The following STXBP5L variants were observed in gnomAD, a reference collection of about 807,000 sequenced individuals.
STXBP5L encodes the protein syntaxin-binding protein 5-like.
In STXBP5L, 65 loss-of-function variants were observed where a neutral mutation model predicts 144.5. The ratio of observed to expected loss-of-function variants is 0.45; its 90% CI spans 0.37 to 0.55. STXBP5L has a LOEUF of 0.55. Ranked by LOEUF, STXBP5L falls within the 20% of genes least tolerant of loss-of-function variation. The pLI, the probability that STXBP5L is intolerant of heterozygous loss-of-function variation, is 0.00. For synonymous variants in STXBP5L, 505 were observed against 469.6 expected, an observed-to-expected ratio of 1.08 and a Z score of -0.97; for missense variants, 1,298 against 1,405.5, an observed-to-expected ratio of 0.92 and a Z score of 1.22.
At chr3:121,164,959 T>A (rs1172328715) in intron 9 of STXBP5L, among the ~76,000 whole-genome samples, 2 of 152,166 alleles carry the variant, frequency 1.3e-5, no homozygotes, top group Non-Finnish European at 2.9e-5. Flanking sequence ...AGTTGAAATC[T>A]AATCCACAGC....
At chr3:121,089,993 G>T (rs1271096348) in intron 5 of STXBP5L, among the ~76,000 whole-genome samples, 2 of 151,872 alleles carry the variant, frequency 1.3e-5, no homozygotes, top group African/African-American at 4.8e-5. Context: ...TGTACTTGTT[G>T]AAACCTTTTC....
chr3:121,115,036 C>T lies in STXBP5L; in HGVS notation c.582C>T (p.Ile194=). The change falls in exon 6 of 27, where the codon ATC becomes ATT. Residue 194 remains isoleucine, a synonymous_variant. Transcript: ENST00000471454. The part of the protein sequence containing the change: ...IESFILSGYV[I]MWNKAIELST... ...CTTTCATTCTTTCTGGATATGTTAT[C>T]ATGTGGAACAAGGCAATTGAACTGT... 6.2e-7 allele frequency: 1 copy of T among 1,601,740 alleles called. No individual in the cohort carries two copies. The highest frequency in any genetic ancestry group is 8.5e-7 in the Non-Finnish European group (1 of 1,176,042).
At chr3:120,995,591 A>G (rs189032874) in intron 3 of STXBP5L, among the ~76,000 whole-genome samples, 3 of 152,220 alleles carry the variant, frequency 2.0e-5, no homozygotes. Flanking sequence ...TTCTCTCGGT[A>G]GTACAATAAA....
chr3:121,234,471 C>A (rs532026591), intron 12 of STXBP5L, among the ~76,000 whole-genome samples: 1 of 152,188 alleles, frequency 6.6e-6, no homozygotes, highest in East Asian at 1.9e-4. Flanking sequence ...TCATACCCCC[C>A]ACATTTCTCT....
intron 5 of STXBP5L, among the ~76,000 whole-genome samples, chr3:121,068,092 C>T (rs2041632993): frequency 2.0e-5 from 3 of 152,356 alleles, no homozygotes; most frequent in Admixed American, 1.3e-4. Context: ...TCACTGCAAC[C>T]TCCACGCCCT....
In STXBP5L at chr3:121,239,025, A is replaced by G. The variant is rs745543164; in HGVS notation, c.1239A>G (p.Thr413=). 5.6e-6 allele frequency: 9 copies of G among 1,610,280 alleles called. No homozygotes were observed. The highest frequency in any genetic ancestry group is 1.3e-5 in the African/African-American group (1 of 74,896). ...YPMDIHESPV[T]CTAYFADCPP... ...TGGACATTCATGAATCACCAGTTACATGCACAGCATACTTTGCAGATTGTC... is the reference window on the plus strand; with the variant it reads ...TGGACATTCATGAATCACCAGTTACGTGCACAGCATACTTTGCAGATTGTC... The change falls in exon 13 of 27, where the codon ACA becomes ACG. Residue 413 remains threonine, a synonymous_variant. Transcript: ENST00000471454.
intron 24 of STXBP5L, 103 bp downstream of exon 24, chr3:121,413,426 C>T (rs963523318): frequency 6.2e-6 from 6 of 965,610 alleles, no homozygotes; most frequent in Non-Finnish European, 8.7e-6. Context: ...AATAATTATG[C>T]CCTTCCAATA....
chr3:121,013,444 A>G (rs1227417426), intron 3 of STXBP5L, among the ~76,000 whole-genome samples: 1 of 152,064 alleles, frequency 6.6e-6, no homozygotes, highest in Non-Finnish European at 1.5e-5. Flanking sequence ...TCTGATGATT[A>G]GTGATGTTGA....
In STXBP5L at chr3:120,943,542, G is replaced by T. The variant is rs548386227; in HGVS notation, c.190-11398G>T. On this transcript the variant is annotated intron_variant, in intron 2 of 26. Coordinates refer to ENST00000471454, the MANE Select transcript of STXBP5L (RefSeq NM_001308330.2). Reference sequence around the variant, plus strand: ...TATACTTACATTTGTGGAATAAAATGTGTTTGGCCATGGTTTATCATTGTT... The same window carrying T: ...TATACTTACATTTGTGGAATAAAATTTGTTTGGCCATGGTTTATCATTGTT... Among the ~76,000 whole-genome samples, 14 of 151,782 alleles carry T rather than the reference G, an allele frequency of 9.2e-5. No individual in the cohort carries two copies. In the South Asian group the frequency reaches 2.9e-3, roughly 31 times the overall value.
intron 20 of STXBP5L, among the ~76,000 whole-genome samples, chr3:121,326,098 G>A (rs956778317): frequency 9.2e-5 from 14 of 151,496 alleles, no homozygotes; most frequent in Admixed American, 3.9e-4. Flanking sequence ...TATAATCATC[G>A]AACAACTATA....
At chr3:121,152,161 A>G (rs929986752) in intron 7 of STXBP5L, among the ~76,000 whole-genome samples, 5 of 151,860 alleles carry the variant, frequency 3.3e-5, no homozygotes, top group African/African-American at 1.2e-4. Context: ...ATCCCATTTC[A>G]TGTTTTATTT....
chr3:121,305,754 T>A (rs1335592986), intron 19 of STXBP5L, among the ~76,000 whole-genome samples: 1 of 152,132 alleles, frequency 6.6e-6, no homozygotes, highest in Non-Finnish European at 1.5e-5. Flanking sequence ...TTTACTATCA[T>A]CACTTTTATT....
chr3:121,370,062 C>T (rs536917949), intron 20 of STXBP5L, among the ~76,000 whole-genome samples: 85 of 152,088 alleles, frequency 5.6e-4, no homozygotes, highest in African/African-American at 1.6e-3. Context: ...TCCTGAGATA[C>T]GCTTGTTTAA....
intron 3 of STXBP5L, among the ~76,000 whole-genome samples, chr3:120,977,030 G>C (rs1576545466): frequency 6.6e-6 from 1 of 152,218 alleles, no homozygotes; most frequent in African/African-American, 2.4e-5. Context: ...TGTTGATTTG[G>C]GGTGGAGAGT....
chr3:120,956,929 GT>G (rs1413860591), intron 3 of STXBP5L, among the ~76,000 whole-genome samples: 1 of 151,746 alleles, frequency 6.6e-6, no homozygotes, highest in African/African-American at 2.4e-5. Context: ...CTTTTACCCT[GT>G]TTTCTTCTAA....
intron 5 of STXBP5L, among the ~76,000 whole-genome samples, chr3:121,063,481 C>A (rs2041386867): frequency 6.6e-6 from 1 of 152,174 alleles, no homozygotes; most frequent in Non-Finnish European, 1.5e-5. Flanking sequence ...GGGTTAGGTA[C>A]CCACTTGAGG....
chr3:121,199,927 T>C (rs1177531100), intron 9 of STXBP5L, among the ~76,000 whole-genome samples: 1 of 152,196 alleles, frequency 6.6e-6, no homozygotes, highest in Non-Finnish European at 1.5e-5. Flanking sequence ...TCATCAGGGA[T>C]ATTGGCCTGA....
At chr3:120,976,057 C>G (rs146397015) in intron 3 of STXBP5L, among the ~76,000 whole-genome samples, 6,057 of 152,254 alleles carry the variant, frequency 0.04, 169 homozygotes, top group Middle Eastern at 0.082. Context: ...ATGCTGGCCT[C>G]ATAAAATGAG....
At chr3:121,171,290 C>G (rs1416383582) in intron 9 of STXBP5L, among the ~76,000 whole-genome samples, 1 of 152,106 alleles carries the variant, frequency 6.6e-6, no homozygotes, top group African/African-American at 2.4e-5. Flanking sequence ...CCTTTGAAAA[C>G]TGGCACAAGA....
Sources: gnomAD v4.1 joint callset for allele counts (sites outside exome capture counted in the v4.1 genomes callset) on GRCh38, gnomAD v4.1.1 for gene constraint, MANE v1.5 for transcripts, NCBI Gene and HGNC (gene_info 2026-07-23, HGNC 2026-07-21) for gene names.